The following SLC34A2 variants were observed in gnomAD, a reference collection of about 807,000 sequenced individuals.
SLC34A2 encodes the protein sodium-dependent phosphate transport protein 2B.
SLC34A2 carries 41 observed loss-of-function variants against 50.8 expected under a neutral mutation model. The observed-to-expected ratio is 0.81, with a 90% CI of 0.63 to 1.05. The LOEUF (loss-of-function observed/expected upper bound fraction) is 1.05, where lower values mean the gene tolerates loss of function less well. Ranked by LOEUF, SLC34A2 falls within the 50% of genes least tolerant of loss-of-function variation. The pLI is 0.00. For missense variants in SLC34A2, 879 were observed against 876.7 expected (o/e 1.00, Z -0.03); for synonymous variants, 401 against 364.2 (o/e 1.10, Z -1.15).
intron 1 of SLC34A2, among the ~76,000 whole-genome samples, chr4:25,660,908 C>A (rs1020120646): frequency 6.6e-6 from 1 of 152,126 alleles, no homozygotes; most frequent in Admixed American, 6.6e-5. Context: ...TTGCCTTTCT[C>A]CAATCTTTTG....
At chr4:25,664,387 T>A in intron 4 of SLC34A2, 57 bp downstream of exon 4, 1 of 1,605,188 alleles carries the variant, frequency 6.2e-7, no homozygotes, top group Non-Finnish European at 8.5e-7. Flanking sequence ...GAAATGTGGT[T>A]CCGAGAGTAA....
rs1329430840 is a variant in SLC34A2 at position 25,678,393 on chromosome 4, TAAAG to T, written c.*1652_*1655del. The T allele has an allele frequency of 1.3e-5, 2 of 155,702 alleles. No individual in the cohort carries two copies. The highest frequency in any genetic ancestry group is 2.9e-5 in the Non-Finnish European group (2 of 69,890). The allele number at this position is 155,702 out of a possible 1,614,324, so 9.6% of individuals were successfully genotyped here. On this transcript the variant is annotated 3_prime_UTR_variant, in exon 13 of 13. Coordinates refer to ENST00000382051, the MANE Select transcript of SLC34A2 (RefSeq NM_006424.3). Reference sequence around the variant, plus strand: ...TGAGGCAGGCTTCTTCTATGAAATGTAAAGAAAGAAACCACTTTGTATATTTTGT... The same window carrying T: ...TGAGGCAGGCTTCTTCTATGAAATGTAAAGAAACCACTTTGTATATTTTGT...
chr4:25,665,491 C>G (rs2109051919), intron 4 of SLC34A2, among the ~76,000 whole-genome samples: 1 of 152,090 alleles, frequency 6.6e-6, no homozygotes, highest in South Asian at 2.1e-4. Context: ...TTCTGGGCTC[C>G]CTGGTCCATG....
intron 3 of SLC34A2, among the ~76,000 whole-genome samples, chr4:25,663,491 C>T (rs1222532738): frequency 6.6e-6 from 1 of 152,152 alleles, no homozygotes; most frequent in Non-Finnish European, 1.5e-5. Flanking sequence ...AAAATGTGGG[C>T]ATATTTCTAG....
In SLC34A2 at chr4:25,662,512, G is replaced by A. The variant is rs1279336691; in HGVS notation, c.12G>A (p.Trp4Ter). 6.2e-7 allele frequency: 1 copy of A among 1,613,944 alleles called. No individual in the cohort carries two copies. The change falls in exon 2 of 13, where the codon TGG becomes TGA. Residue 4 changes from tryptophan (W) to a stop codon, truncating the protein, a stop_gained. Transcript: ENST00000382051. LOFTEE classifies it high-confidence loss of function. MAP[W>*]PELGDAQPNP... is the part of the protein sequence containing the mutation. ...CTCATCCACAGACCATGGCTCCCTG[G>A]CCTGAATTGGGAGATGCCCAGCCCA...
intron 9 of SLC34A2, among the ~76,000 whole-genome samples, chr4:25,672,461 T>A (rs1336427747): frequency 6.6e-6 from 1 of 152,168 alleles, no homozygotes; most frequent in Non-Finnish European, 1.5e-5. Flanking sequence ...AGCTGTAATG[T>A]TTTTTCCAAC....
chr4:25,664,371 T>C (rs768795964), intron 4 of SLC34A2, 41 bp downstream of exon 4: 2 of 1,611,872 alleles, frequency 1.2e-6, no homozygotes, highest in South Asian at 2.2e-5. Flanking sequence ...TGAGGGGCAT[T>C]ATCTTGAAAT....
intron 3 of SLC34A2, among the ~76,000 whole-genome samples, chr4:25,663,067 T>G (rs1235295517): frequency 6.6e-6 from 1 of 151,724 alleles, no homozygotes; most frequent in Non-Finnish European, 1.5e-5. Context: ...CTCTGCCCCG[T>G]GGGTTCAAGC....
In SLC34A2 at chr4:25,664,283, TC is replaced by T; in HGVS notation, c.333del (p.Phe111LeufsTer38). On this transcript the variant is annotated frameshift_variant, in exon 4 of 13. Coordinates refer to ENST00000382051, the MANE Select transcript of SLC34A2 (RefSeq NM_006424.3). LOFTEE classifies it high-confidence loss of function. ...TTACTTCTCGGATTTCTCTACTTTT[TC>T]GTGTGCTCCCTGGATATTCTTAGTA... is the stretch of plus-strand genomic sequence containing the variant. The part of the protein sequence containing the change: ...LILLLGFLYF[F>X]VCSLDILSSA... 1 of 1,614,050 alleles carries T rather than the reference TC, an allele frequency of 6.2e-7. No homozygotes were observed.
chr4:25,674,705 G>C, intron 12 of SLC34A2, 76 bp downstream of exon 12: 1 of 1,589,882 alleles, frequency 6.3e-7, no homozygotes, highest in South Asian at 1.1e-5. Context: ...TCTCTAACAA[G>C]AGCCAGGCTT....
chr4:25,662,597 A>G lies in SLC34A2; in HGVS notation c.97A>G (p.Lys33Glu), dbSNP rs776254543. ...GQQPTAPDKSKETNKTDNTEA... is the reference protein window; with the variant it reads ...GQQPTAPDKSEETNKTDNTEA... ...GCAGCCCACTGCCCCTGATAAAAGC[A>G]AAGAGACCAACAAAAGTAAGTGTCG... is the stretch of plus-strand genomic sequence containing the variant. Residue 33 changes from lysine to glutamate, a missense_variant, in exon 2 of 13, where the codon AAA (lysine) becomes GAA (glutamate). Coordinates refer to ENST00000382051, the MANE Select transcript of SLC34A2 (RefSeq NM_006424.3). 6.4e-5 allele frequency: 104 copies of G among 1,614,060 alleles called. No individual in the cohort carries two copies. The highest frequency in any genetic ancestry group is 8.6e-5 in the Non-Finnish European group (101 of 1,180,034).
Position 25,676,782 on chromosome 4 carries a change from G to A in SLC34A2, c.*33G>A. On this transcript the variant is annotated 3_prime_UTR_variant, in exon 13 of 13. Transcript: ENST00000382051. ...CCCAGATTGTCAGGGATGGGGGGAT[G>A]GTCCTTGAGTTTTGCATGCTCTCCT... 6.2e-7 allele frequency: 1 copy of A among 1,613,470 alleles called. No individual in the cohort carries two copies. Among genetic ancestry groups the A allele is most frequent in the Non-Finnish European group, 8.5e-7 (1 of 1,179,838 alleles).
rs1471220165 is a variant in SLC34A2 at position 25,664,330 on chromosome 4, G to A, written c.379G>A (p.Gly127Arg). Reference protein sequence around the residue: ...ILSSAFQLVGGKMAGQFFSNS... With the variant: ...ILSSAFQLVGRKMAGQFFSNS... ...TAGTAGCGCCTTCCAGCTGGTTGGA[G>A]GTAAGAATGAAAGGGTGAGAGGTCT... The change falls in exon 4 of 13, where the codon GGA becomes AGA. Residue 127 changes from glycine to arginine, a missense_variant and splice_region_variant. By Grantham distance (125) the Gly-to-Arg change is moderately radical. Transcript: ENST00000382051. The A allele has an allele frequency of 6.2e-7, 1 of 1,613,974 alleles. No homozygotes were observed. Among genetic ancestry groups the A allele is most frequent in the African/African-American group, 1.3e-5 (1 of 74,908 alleles).
In SLC34A2 at chr4:25,678,547, T is replaced by C. The variant is rs185225463; in HGVS notation, c.*1798T>C. On this transcript the variant is annotated 3_prime_UTR_variant, in exon 13 of 13. Coordinates refer to ENST00000382051, the MANE Select transcript of SLC34A2 (RefSeq NM_006424.3). ...AAAAATTGAATCTTTGTACTTGCATTGATTGTATAATAATTTTGAGACCAG... is the reference window on the plus strand; with the variant it reads ...AAAAATTGAATCTTTGTACTTGCATCGATTGTATAATAATTTTGAGACCAG... The C allele has an allele frequency of 3.3e-4, 68 of 205,814 alleles. No individual in the cohort carries two copies. Among genetic ancestry groups the C allele is most frequent in the African/African-American group, 1.5e-3 (64 of 43,566 alleles). 12.7% of individuals were successfully genotyped at this position (205,814 alleles called of 1,614,324 possible). A position where few individuals can be genotyped will look rare whatever the true frequency, so the allele number is the denominator to read the frequency against.
chr4:25,664,354 C>G (rs2109050259), intron 4 of SLC34A2, 24 bp downstream of exon 4: 1 of 1,613,722 alleles, frequency 6.2e-7, no homozygotes, highest in Non-Finnish European at 8.5e-7. Flanking sequence ...GGTGAGAGGT[C>G]TGCGGGTGAG....
At chr4:25,665,879 C>T (rs575723538) in intron 4 of SLC34A2, among the ~76,000 whole-genome samples, 23 of 152,116 alleles carry the variant, frequency 1.5e-4, no homozygotes, top group Admixed American at 1.3e-4. Flanking sequence ...CACAGTGGGT[C>T]GGGAACCAGG....
chr4:25,662,537 AAC>A lies in SLC34A2; in HGVS notation c.38_39del (p.Asn13ThrfsTer3). 1.2e-6 allele frequency: 2 copies of A among 1,614,032 alleles called. No individual in the cohort carries two copies. Among genetic ancestry groups the A allele is most frequent in the Non-Finnish European group, 1.7e-6 (2 of 1,180,002 alleles). ...GCCTGAATTGGGAGATGCCCAGCCC[AAC>A]CCCGATAAGTACCTCGAAGGGGCCG... The part of the protein sequence containing the change: ...PWPELGDAQP[N>X]PDKYLEGAAG... On this transcript the variant is annotated frameshift_variant, in exon 2 of 13. Coordinates refer to ENST00000382051, the MANE Select transcript of SLC34A2 (RefSeq NM_006424.3). LOFTEE classifies it high-confidence loss of function.
At position 25,667,923 on chromosome 4, in the gene SLC34A2, C is replaced by T. The variant is rs1714588543; in HGVS notation, c.567C>T (p.Asn189=). The change falls in exon 6 of 13, where the codon AAC becomes AAT. Residue 189 remains asparagine, a synonymous_variant. Coordinates refer to ENST00000382051, the MANE Select transcript of SLC34A2 (RefSeq NM_006424.3). ...RAAIPIIMGA[N]IGTSITNTIV... is the part of the protein sequence containing the mutation. ...CCATCCCCATTATCATGGGGGCCAA[C>T]ATTGGAACGTCAATCACCAACACTA... The T allele has an allele frequency of 6.2e-7, 1 of 1,614,018 alleles. No homozygotes were observed. Among genetic ancestry groups the T allele is most frequent in the Non-Finnish European group, 8.5e-7 (1 of 1,179,876 alleles).
chr4:25,674,880 A>G (rs1016568731), intron 12 of SLC34A2, among the ~76,000 whole-genome samples: 1 of 152,182 alleles, frequency 6.6e-6, no homozygotes, highest in African/African-American at 2.4e-5. Context: ...GCCCCTTGAT[A>G]TAGATGTGGA....
Sources: gnomAD v4.1 joint callset for allele counts (sites outside exome capture counted in the v4.1 genomes callset) on GRCh38, gnomAD v4.1.1 for gene constraint, MANE v1.5 for transcripts, NCBI Gene and HGNC (gene_info 2026-07-23, HGNC 2026-07-21) for gene names.